Variants in KCNH8 observed in about 807,000 individuals in gnomAD.
The protein encoded by KCNH8 is voltage-gated delayed rectifier potassium channel KCNH8.
KCNH8 carries 70 observed loss-of-function variants against 103.6 expected under a neutral mutation model. The observed-to-expected ratio is 0.68, with a 90% CI of 0.56 to 0.82. KCNH8 has a LOEUF of 0.82. Among genes scored for constraint, KCNH8 ranks in the 40% least tolerant of loss-of-function variants. KCNH8 has a pLI of 0.00. For missense variants in KCNH8, 1,217 were observed against 1,329.9 expected, an observed-to-expected ratio of 0.92 and a Z score of 1.32; for synonymous variants, 498 against 489.4, an observed-to-expected ratio of 1.02 and a Z score of -0.23.
intron 1 of KCNH8, among the ~76,000 whole-genome samples, chr3:19,226,437 A>G (rs964620142): frequency 6.6e-6 from 1 of 152,206 alleles, no homozygotes; most frequent in Non-Finnish European, 1.5e-5. Flanking sequence ...AAGCAAGGTC[A>G]TCAGAAGAAA....
chr3:19,410,367 C>A (rs1011530013), intron 7 of KCNH8, among the ~76,000 whole-genome samples: 2 of 151,884 alleles, frequency 1.3e-5, no homozygotes, highest in African/African-American at 4.8e-5. Flanking sequence ...CATAACATAC[C>A]AAAATATCTG....
rs557826149 is a variant in KCNH8 at position 19,469,536 on chromosome 3, T to C, written c.2040+12554T>C. On this transcript the variant is annotated intron_variant, in intron 11 of 15. Transcript: ENST00000328405. ...CTCACTGCAACCTCTGCCTCCGGGG[T>C]TCAAGTGATTCTCCTGCCTCAGCCT... Among the ~76,000 whole-genome samples the C allele has an allele frequency of 2.0e-5, 3 of 151,970 alleles. No individual in the cohort carries two copies. The East Asian group carries it at 5.8e-4, about 29-fold the overall frequency.
chr3:19,513,988 A>G (rs2068830973), intron 13 of KCNH8, among the ~76,000 whole-genome samples: 1 of 151,626 alleles, frequency 6.6e-6, no homozygotes, highest in Admixed American at 6.6e-5. Context: ...AATAAATAAA[A>G]GCATGAAAAA....
chr3:19,463,411 G>T (rs557641237), intron 11 of KCNH8, among the ~76,000 whole-genome samples: 2 of 152,152 alleles, frequency 1.3e-5, no homozygotes, highest in South Asian at 4.1e-4. Context: ...ACCCATAAGG[G>T]TTTGGTCAAA....
chr3:19,471,613 A>C (rs1328501811), intron 11 of KCNH8, among the ~76,000 whole-genome samples: 2 of 152,208 alleles, frequency 1.3e-5, no homozygotes, highest in Non-Finnish European at 2.9e-5. Context: ...CAACAACTTT[A>C]GAAATAAGTT....
intron 1 of KCNH8, among the ~76,000 whole-genome samples, chr3:19,219,501 C>T (rs888672672): frequency 1.3e-5 from 2 of 152,166 alleles, no homozygotes; most frequent in Non-Finnish European, 2.9e-5. Context: ...ATGTGTGTAG[C>T]ATTCCCATTT....
chr3:19,397,551 G>A (rs754281941), intron 7 of KCNH8, among the ~76,000 whole-genome samples: 14 of 149,536 alleles, frequency 9.4e-5, no homozygotes, highest in Non-Finnish European at 1.8e-4. Flanking sequence ...ATATATATAT[G>A]TGTGTATATA....
chr3:19,289,443 T>A (rs1055902703), intron 3 of KCNH8, among the ~76,000 whole-genome samples: 2 of 152,222 alleles, frequency 1.3e-5, no homozygotes, highest in African/African-American at 2.4e-5. Flanking sequence ...TTTCTCCATA[T>A]GGCTAGCCAG....
chr3:19,516,813 C>A (rs1013578676), intron 14 of KCNH8, among the ~76,000 whole-genome samples: 2 of 151,994 alleles, frequency 1.3e-5, no homozygotes, highest in African/African-American at 2.4e-5. Context: ...GCTTGCATTG[C>A]TACCAAAGTC....
chr3:19,504,973 A>ATGTG (rs1208498424), intron 11 of KCNH8, among the ~76,000 whole-genome samples: 2 of 151,232 alleles, frequency 1.3e-5, no homozygotes, highest in African/African-American at 4.9e-5. Context: ...TGAGATATAT[A>ATGTG]TATATATATA....
Position 19,451,169 on chromosome 3 carries a change from T to C in KCNH8, c.1590T>C (p.Phe530=). The stretch of plus-strand genomic sequence containing the variant: ...TTCTCTGACAGCTTTTGAAAGACTT[T>C]CCAGATGAACTGCGTTCTGACATCA... ...GIDSNELLKD[F]PDELRSDITM... is the part of the protein sequence containing the mutation. Residue 530 remains phenylalanine, a synonymous_variant, in exon 10 of 16, where the codon TTT becomes TTC. Transcript: ENST00000328405. 6.2e-7 allele frequency: 1 copy of C among 1,613,802 alleles called. No homozygotes were observed. The highest frequency in any genetic ancestry group is 8.5e-7 in the Non-Finnish European group (1 of 1,179,752).
intron 1 of KCNH8, among the ~76,000 whole-genome samples, chr3:19,150,563 T>C (rs1201237949): frequency 6.6e-6 from 1 of 152,180 alleles, no homozygotes; most frequent in East Asian, 1.9e-4. Context: ...TGAGAGGGGC[T>C]TTAAATCATC....
intron 14 of KCNH8, among the ~76,000 whole-genome samples, chr3:19,517,415 C>G (rs2068892986): frequency 6.6e-6 from 1 of 151,986 alleles, no homozygotes; most frequent in African/African-American, 2.4e-5. Context: ...ACTGACTCAC[C>G]TGTACTCTTG....
At chr3:19,477,121 G>A (rs1471129311) in intron 11 of KCNH8, among the ~76,000 whole-genome samples, 3 of 152,138 alleles carry the variant, frequency 2.0e-5, no homozygotes. Context: ...CTTTTGCTGG[G>A]AGAAGAATTT....
intron 1 of KCNH8, among the ~76,000 whole-genome samples, chr3:19,225,666 C>T (rs747894799): frequency 2.0e-5 from 3 of 152,054 alleles, no homozygotes; most frequent in Non-Finnish European, 2.9e-5. Flanking sequence ...GAAGGTGGTA[C>T]GTTTTGTTCA....
intron 3 of KCNH8, among the ~76,000 whole-genome samples, chr3:19,312,547 G>A (rs1036048911): frequency 2.6e-5 from 4 of 151,836 alleles, no homozygotes; most frequent in African/African-American, 9.7e-5. Flanking sequence ...CTACCTGAAT[G>A]TTTCTGAACC....
chr3:19,313,601 ACATG>A, intron 3 of KCNH8, among the ~76,000 whole-genome samples: 1 of 151,986 alleles, frequency 6.6e-6, no homozygotes, highest in South Asian at 2.1e-4. Context: ...TGTGTTTGTC[ACATG>A]CAGTATTACC....
At chr3:19,180,710 T>G (rs907346781) in intron 1 of KCNH8, among the ~76,000 whole-genome samples, 9 of 146,860 alleles carry the variant, frequency 6.1e-5, no homozygotes, top group South Asian at 4.1e-4. Flanking sequence ...TGTTTGTTTG[T>G]TTGGTTTGGT....
intron 5 of KCNH8, among the ~76,000 whole-genome samples, chr3:19,374,414 A>G (rs2066156607): frequency 6.6e-6 from 1 of 151,738 alleles, no homozygotes; most frequent in South Asian, 2.1e-4. Flanking sequence ...CTGTTTTATC[A>G]GAGACTAGGA....
Sources: allele counts gnomAD v4.1 joint callset (sites outside exome capture counted in the v4.1 genomes callset), GRCh38; gene constraint gnomAD v4.1.1; transcripts MANE v1.5; gene names NCBI Gene and HGNC (gene_info 2026-07-23, HGNC 2026-07-21).